TOX: variants seen among roughly 807,000 people sequenced by gnomAD.
TOX encodes thymocyte selection associated high mobility group box.
TOX carries 11 observed loss-of-function variants against 53.7 expected under a neutral mutation model. The ratio of observed to expected loss-of-function variants is 0.20; its 90% CI spans 0.13 to 0.34. The LOEUF (loss-of-function observed/expected upper bound fraction) is 0.34, where lower values mean the gene tolerates loss of function less well. Among genes scored for constraint, TOX ranks in the 10% least tolerant of loss-of-function variants. The pLI, the probability that TOX is intolerant of heterozygous loss-of-function variation, is 1.00. For synonymous variants in TOX, 225 were observed against 245.3 expected (o/e 0.92, Z 0.77); for missense variants, 570 against 664.6 (o/e 0.86, Z 1.56).
rs116048828 is a variant in TOX, at chr8:58,846,213, C to T, written c.693+5311G>A. 4.2e-3 allele frequency among the ~76,000 whole-genome samples: 635 copies of T among 149,558 alleles called. 5 individuals are homozygous for T. The highest frequency in any genetic ancestry group is 0.014 in the African/African-American group (562 of 41,334). On this transcript the variant is annotated intron_variant, in intron 4 of 8. Coordinates refer to ENST00000361421, the MANE Select transcript of TOX (RefSeq NM_014729.3). Reference sequence around the variant, plus strand: ...ACTAGTTTATTAGGCTCAGCCTTAACGAATAGAATACTTTTTTTTTAAAAT... The same window carrying T: ...ACTAGTTTATTAGGCTCAGCCTTAATGAATAGAATACTTTTTTTTTAAAAT...
chr8:58,960,648 A>G (rs1380952623), intron 1 of TOX, among the ~76,000 whole-genome samples: 1 of 152,252 alleles, frequency 6.6e-6, no homozygotes, highest in Non-Finnish European at 1.5e-5. Context: ...GAATTTATGT[A>G]TTAAAAATGC....
intron 3 of TOX, among the ~76,000 whole-genome samples, chr8:58,881,021 G>A (rs1811375041): frequency 6.6e-6 from 1 of 151,992 alleles, no homozygotes; most frequent in Non-Finnish European, 1.5e-5. Flanking sequence ...GGTATCTGGG[G>A]TTGGGGAAGA....
At chr8:58,830,864 A>G (rs1445674861) in intron 5 of TOX, among the ~76,000 whole-genome samples, 1 of 152,210 alleles carries the variant, frequency 6.6e-6, no homozygotes, top group Non-Finnish European at 1.5e-5. Context: ...TTAGAAATGC[A>G]TAAGGATTTA....
chr8:59,060,314 T>A (rs1173409268), intron 1 of TOX, among the ~76,000 whole-genome samples: 1 of 152,182 alleles, frequency 6.6e-6, no homozygotes, highest in Non-Finnish European at 1.5e-5. Context: ...TGGCTCCCAA[T>A]CCCAATAGTG....
chr8:59,099,637 A>G (rs568711911), intron 1 of TOX, among the ~76,000 whole-genome samples: 1 of 152,220 alleles, frequency 6.6e-6, no homozygotes, highest in Non-Finnish European at 1.5e-5. Flanking sequence ...ATTTCAAAGG[A>G]GAAGCAATCA....
intron 2 of TOX, among the ~76,000 whole-genome samples, chr8:58,955,661 G>C (rs574293980): frequency 2.6e-5 from 4 of 151,868 alleles, no homozygotes; most frequent in African/African-American, 7.3e-5. Context: ...CATGTGAAGA[G>C]CTGAGTCCCT....
intron 1 of TOX, among the ~76,000 whole-genome samples, chr8:59,035,612 A>T (rs1814444581): frequency 6.6e-6 from 1 of 152,272 alleles, no homozygotes; most frequent in South Asian, 2.1e-4. Context: ...CTCAGAGCCT[A>T]TAAATAACCA....
chr8:59,076,677 AGTT>A (rs1338945973), intron 1 of TOX, among the ~76,000 whole-genome samples: 2 of 152,154 alleles, frequency 1.3e-5, no homozygotes, highest in African/African-American at 2.4e-5. Context: ...TTTTTGCAGT[AGTT>A]GTTGTTATAA....
chr8:58,871,251 G>C (rs2594960), intron 3 of TOX, among the ~76,000 whole-genome samples: 25,405 of 151,326 alleles, frequency 0.17, 2,488 homozygotes, highest in African/African-American at 0.28. Context: ...CCATGCATCA[G>C]GAAGGGAAGA....
At chr8:59,003,605 G>A (rs181139111) in intron 1 of TOX, among the ~76,000 whole-genome samples, 1 of 152,274 alleles carries the variant, frequency 6.6e-6, no homozygotes, top group East Asian at 1.9e-4. Context: ...GATTGAAACA[G>A]TTTCTATTTA....
At chr8:58,823,836 T>C (rs565852875) in intron 6 of TOX, among the ~76,000 whole-genome samples, 1 of 152,176 alleles carries the variant, frequency 6.6e-6, no homozygotes, top group Non-Finnish European at 1.5e-5. Context: ...ACTGTGACTA[T>C]GACATGGCCA....
chr8:58,997,442 C>T (rs1347478634), intron 1 of TOX, among the ~76,000 whole-genome samples: 2 of 152,194 alleles, frequency 1.3e-5, no homozygotes, highest in Non-Finnish European at 2.9e-5. Context: ...TTTGACGAGT[C>T]TTTGGCTTCT....
At chr8:58,951,399 AGGCAAGAAGAAGCT>A (rs1812618146) in intron 2 of TOX, among the ~76,000 whole-genome samples, 1 of 152,152 alleles carries the variant, frequency 6.6e-6, no homozygotes, top group Non-Finnish European at 1.5e-5. Flanking sequence ...CTAAACTTCC[AGGCAAGAAGAAGCT>A]TCCTACTACT....
chr8:58,855,781 T>C (rs1433845322), intron 3 of TOX, among the ~76,000 whole-genome samples: 3 of 152,224 alleles, frequency 2.0e-5, no homozygotes, highest in Non-Finnish European at 4.4e-5. Flanking sequence ...ATCCTTCATC[T>C]ACTCTATTGT....
chr8:59,021,481 A>AATATATATATATATATATATATATAT (rs55755723), intron 1 of TOX, among the ~76,000 whole-genome samples: 1 of 64,736 alleles, frequency 1.5e-5, no homozygotes, highest in African/African-American at 5.3e-5. Flanking sequence ...AAAAAAAAAA[A>AATATATATATATATATATATATATAT]ATATATATAT....
chr8:58,842,833 G>A (rs965104314), intron 4 of TOX, among the ~76,000 whole-genome samples: 2 of 152,156 alleles, frequency 1.3e-5, no homozygotes, highest in African/African-American at 4.8e-5. Flanking sequence ...ATAATTCCAC[G>A]CAGCCAATCC....
chr8:59,107,059 A>T (rs1447288254), intron 1 of TOX, among the ~76,000 whole-genome samples: 3 of 93,962 alleles, frequency 3.2e-5, no homozygotes, highest in African/African-American at 1.1e-4. Context: ...GGGGGGGGGG[A>T]ACGTGACATT....
At chr8:58,941,184 A>G (rs1354865367) in intron 2 of TOX, among the ~76,000 whole-genome samples, 3 of 152,222 alleles carry the variant, frequency 2.0e-5, no homozygotes, top group Non-Finnish European at 4.4e-5. Flanking sequence ...CGTCTGATAT[A>G]CTTTAGACCC....
intron 3 of TOX, among the ~76,000 whole-genome samples, chr8:58,912,819 G>T (rs1811929348): frequency 6.6e-6 from 1 of 152,166 alleles, no homozygotes; most frequent in African/African-American, 2.4e-5. Context: ...CTCTTCATGA[G>T]CATGATGACA....
Sources: gnomAD v4.1 joint callset for allele counts (sites outside exome capture counted in the v4.1 genomes callset) on GRCh38, gnomAD v4.1.1 for gene constraint, MANE v1.5 for transcripts, NCBI Gene and HGNC (gene_info 2026-07-23, HGNC 2026-07-21) for gene names.